Variants in SMYD3 observed in about 807,000 individuals in gnomAD.
SMYD3 encodes the protein SET and MYND domain containing 3, also known as histone-lysine N-methyltransferase SMYD3.
Under a neutral mutation model 57.7 loss-of-function variants are expected in SMYD3, and 36 were observed. That is an observed-to-expected ratio of 0.62 (90% CI 0.48 to 0.82). The LOEUF is 0.82. Ranked by LOEUF, SMYD3 falls within the 40% of genes least tolerant of loss-of-function variation. The pLI, the probability that SMYD3 is intolerant of heterozygous loss-of-function variation, is 0.00. For synonymous variants in SMYD3, 211 were observed against 195.0 expected, an observed-to-expected ratio of 1.08 and a Z score of -0.68; for missense variants, 515 against 538.8, an observed-to-expected ratio of 0.96 and a Z score of 0.44.
At chr1:245,936,354 C>T (rs926907320) in intron 5 of SMYD3, among the ~76,000 whole-genome samples, 27 of 123,788 alleles carry the variant, frequency 2.2e-4, no homozygotes, top group Non-Finnish European at 3.1e-4. Context: ...ACACTGAATA[C>T]GTAATCTTAT....
intron 10 of SMYD3, among the ~76,000 whole-genome samples, chr1:245,772,613 T>C (rs1409513099): frequency 2.6e-5 from 4 of 152,168 alleles, no homozygotes; most frequent in African/African-American, 9.7e-5. Context: ...TAGTGAGCTA[T>C]GATGGTGCTA....
rs148375789 is a variant in SMYD3, at chr1:245,811,166, T to C, written c.1077-47017A>G. ...CTGTGGCCTTTCCAGTTTCCCAGGG[T>C]GATGCAAATGAACACCGTGCAGCAG... On this transcript the variant is annotated intron_variant, in intron 10 of 11. Transcript: ENST00000490107. Among the ~76,000 whole-genome samples the C allele has an allele frequency of 7.2e-3, 1,094 of 152,256 alleles. 9 individuals carry two copies. Among genetic ancestry groups the C allele is most frequent in the Non-Finnish European group, 0.011 (771 of 68,010 alleles).
chr1:245,909,253 G>T (rs10924383), intron 8 of SMYD3, among the ~76,000 whole-genome samples: 1 of 151,912 alleles, frequency 6.6e-6, no homozygotes, highest in South Asian at 2.1e-4. Flanking sequence ...AGGTTAAACC[G>T]TGAAGAAAAC....
intron 5 of SMYD3, among the ~76,000 whole-genome samples, chr1:246,250,937 C>A (rs931678746): frequency 2.0e-5 from 3 of 152,090 alleles, no homozygotes; most frequent in African/African-American, 7.2e-5. Context: ...ATAAGTTTGG[C>A]AATTTGTTTC....
chr1:246,503,784 GA>G (rs2068494071), intron 1 of SMYD3, among the ~76,000 whole-genome samples: 1 of 152,014 alleles, frequency 6.6e-6, no homozygotes, highest in African/African-American at 2.4e-5. Context: ...CTAACATGGT[GA>G]AACCCCATCT....
chr1:245,903,556 T>A (rs959119075), intron 8 of SMYD3, among the ~76,000 whole-genome samples: 1 of 152,172 alleles, frequency 6.6e-6, no homozygotes, highest in African/African-American at 2.4e-5. Flanking sequence ...GGCTTTTAAC[T>A]TCCTATTGCG....
intron 5 of SMYD3, among the ~76,000 whole-genome samples, chr1:246,100,801 G>C (rs1279684423): frequency 6.6e-6 from 1 of 152,180 alleles, no homozygotes; most frequent in African/African-American, 2.4e-5. Context: ...ACAAGTTATA[G>C]AAAGATCCCA....
intron 5 of SMYD3, among the ~76,000 whole-genome samples, chr1:246,240,428 C>A (rs554949207): frequency 6.6e-6 from 1 of 152,270 alleles, no homozygotes; most frequent in South Asian, 2.1e-4. Context: ...TCTGAGGGCT[C>A]TGTTCTGTTC....
chr1:245,939,388 G>A (rs1393049460), intron 5 of SMYD3, among the ~76,000 whole-genome samples: 1 of 152,068 alleles, frequency 6.6e-6, no homozygotes, highest in Non-Finnish European at 1.5e-5. Flanking sequence ...CACTTTGGGA[G>A]GCCAAGGCGG....
At chr1:246,201,872 G>T (rs1237166011) in intron 5 of SMYD3, among the ~76,000 whole-genome samples, 1 of 152,020 alleles carries the variant, frequency 6.6e-6, no homozygotes, top group Admixed American at 6.6e-5. Flanking sequence ...AATTAGCTGG[G>T]CGTGGTGGCT....
chr1:246,068,108 T>C (rs2060376984), intron 5 of SMYD3, among the ~76,000 whole-genome samples: 2 of 152,156 alleles, frequency 1.3e-5, no homozygotes, highest in South Asian at 2.1e-4. Context: ...GAGTCTTTCT[T>C]GGTTAATTAA....
chr1:246,172,899 G>C (rs1209584595), intron 5 of SMYD3, among the ~76,000 whole-genome samples: 448 of 88,974 alleles, frequency 5.0e-3, no homozygotes, highest in Middle Eastern at 0.02. Context: ...TCACTGTACT[G>C]TACTGTAGAC....
chr1:246,464,026 G>A (rs1223895746), intron 1 of SMYD3, among the ~76,000 whole-genome samples: 1 of 152,144 alleles, frequency 6.6e-6, no homozygotes, highest in African/African-American at 2.4e-5. Flanking sequence ...GGATGAGCCT[G>A]CAAAGGAAGC....
intron 1 of SMYD3, among the ~76,000 whole-genome samples, chr1:246,385,298 T>C (rs924929177): frequency 2.6e-5 from 4 of 152,200 alleles, no homozygotes; most frequent in Non-Finnish European, 4.4e-5. Context: ...TAGGAATAAA[T>C]TGAAATACTT....
intron 10 of SMYD3, among the ~76,000 whole-genome samples, chr1:245,803,911 G>T (rs1181752870): frequency 1.5e-5 from 1 of 68,580 alleles, no homozygotes; most frequent in Non-Finnish European, 3.7e-5. Flanking sequence ...ACGTAAGTCA[G>T]TATTTTTTTT....
chr1:245,920,012 G>A (rs80339031), intron 7 of SMYD3, among the ~76,000 whole-genome samples: 16,299 of 152,180 alleles, frequency 0.11, 1,157 homozygotes, highest in East Asian at 0.39. Context: ...ACAACTGAGT[G>A]GATAAGATGA....
chr1:246,339,854 G>T (rs2065604521), intron 2 of SMYD3, among the ~76,000 whole-genome samples: 1 of 152,228 alleles, frequency 6.6e-6, no homozygotes, highest in Non-Finnish European at 1.5e-5. Context: ...CTCCCGTCAT[G>T]TGACGCCTTC....
At chr1:245,817,434 A>G (rs1452439022) in intron 10 of SMYD3, among the ~76,000 whole-genome samples, 1 of 150,142 alleles carries the variant, frequency 6.7e-6, no homozygotes, top group Non-Finnish European at 1.5e-5. Context: ...AGATAAAACC[A>G]CAAAGATGGG....
At chr1:246,185,449 C>CTTT (rs1183038960) in intron 5 of SMYD3, among the ~76,000 whole-genome samples, 25 of 80,030 alleles carry the variant, frequency 3.1e-4, no homozygotes, top group Admixed American at 4.5e-4. Context: ...GTTAGTGATT[C>CTTT]TTTTTTTTTT....
Sources: gnomAD v4.1 joint callset for allele counts (sites outside exome capture counted in the v4.1 genomes callset) on GRCh38, gnomAD v4.1.1 for gene constraint, MANE v1.5 for transcripts, NCBI Gene and HGNC (gene_info 2026-07-23, HGNC 2026-07-21) for gene names.